The following PCDHGA6 variants were observed in gnomAD, a reference collection of about 807,000 sequenced individuals.
PCDHGA6 encodes protocadherin gamma subfamily A, 6.
PCDHGA6 carries 41 observed loss-of-function variants against 60.6 expected under a neutral mutation model. The observed-to-expected ratio is 0.68, with a 90% confidence interval of 0.53 to 0.88. PCDHGA6 has a LOEUF of 0.88. PCDHGA6 is among the 40% of genes least tolerant of loss of function. The pLI is 0.00. For synonymous variants in PCDHGA6, 594 were observed against 524.4 expected, an observed-to-expected ratio of 1.13 and a Z score of -1.81; for missense variants, 1,312 against 1,203.0, an observed-to-expected ratio of 1.09 and a Z score of -1.34.
At chr5:141,421,483 A>C in intron 1 of PCDHGA6, 4 of 1,614,128 alleles carry the variant, frequency 2.5e-6, no homozygotes, top group Non-Finnish European at 3.4e-6. Context: ...CGGCAGCTTG[A>C]TCACGGCAGG....
chr5:141,424,076 A>C, intron 1 of PCDHGA6: 2 of 979,452 alleles, frequency 2.0e-6, no homozygotes, highest in Non-Finnish European at 2.5e-6. Flanking sequence ...TTGTAGTTAT[A>C]TTCCACCATT....
intron 1 of PCDHGA6, among the ~76,000 whole-genome samples, chr5:141,473,096 G>A (rs1007912058): frequency 9.9e-5 from 15 of 152,058 alleles, no homozygotes; most frequent in African/African-American, 3.6e-4. Context: ...ACTGTGAGTT[G>A]TATTACCACA....
At chr5:141,425,296 T>A (rs1283179158) in intron 1 of PCDHGA6, among the ~76,000 whole-genome samples, 1 of 152,194 alleles carries the variant, frequency 6.6e-6, no homozygotes, top group Non-Finnish European at 1.5e-5. Flanking sequence ...TAAAACCTCA[T>A]CTAAACTAAC....
chr5:141,419,443 C>T (rs1476796525), intron 1 of PCDHGA6: 2 of 1,613,080 alleles, frequency 1.2e-6, no homozygotes, highest in South Asian at 2.2e-5. Flanking sequence ...TGCGCACCTT[C>T]GAGCTCACGC....
chr5:141,394,454 A>G (rs1394596470), intron 1 of PCDHGA6: 2 of 1,614,212 alleles, frequency 1.2e-6, no homozygotes, highest in Admixed American at 1.7e-5. Context: ...GCAACATGTC[A>G]CTGAGCCTGT....
intron 1 of PCDHGA6, among the ~76,000 whole-genome samples, chr5:141,430,213 A>G (rs892801149): frequency 6.6e-6 from 1 of 151,106 alleles, no homozygotes; most frequent in Non-Finnish European, 1.5e-5. Context: ...AAATTATTAT[A>G]TTATATGATT....
At chr5:141,504,529 G>A (rs1333393859) in intron 2 of PCDHGA6, among the ~76,000 whole-genome samples, 1 of 151,900 alleles carries the variant, frequency 6.6e-6, no homozygotes, top group African/African-American at 2.4e-5. Context: ...TATTTTATTC[G>A]TGTCATCATG....
chr5:141,414,684 A>G (rs747750994), intron 1 of PCDHGA6: 6 of 1,613,806 alleles, frequency 3.7e-6, no homozygotes, highest in Non-Finnish European at 5.1e-6. Flanking sequence ...TCCAGGGGGT[A>G]CCTCTGTCCT....
chr5:141,383,911 T>C, intron 1 of PCDHGA6: 1 of 1,613,926 alleles, frequency 6.2e-7, no homozygotes, highest in Non-Finnish European at 8.5e-7. Context: ...GATCACAGTT[T>C]TAGATGTAAA....
intron 1 of PCDHGA6, chr5:141,422,919 G>A (rs1445179310): frequency 3.7e-6 from 6 of 1,614,238 alleles, no homozygotes; most frequent in Non-Finnish European, 5.1e-6. Flanking sequence ...CCGAGATCCT[G>A]TACCCTGCCC....
At chr5:141,383,774 TTCA>T in intron 1 of PCDHGA6, 1 of 1,613,980 alleles carries the variant, frequency 6.2e-7, no homozygotes, top group South Asian at 1.1e-5. Flanking sequence ...CCAAAGATGT[TTCA>T]TCTGAACTCG....
At chr5:141,496,172 T>C (rs942740022) in intron 2 of PCDHGA6, among the ~76,000 whole-genome samples, 1 of 151,672 alleles carries the variant, frequency 6.6e-6, no homozygotes, top group Non-Finnish European at 1.5e-5. Context: ...CACCCTCCCA[T>C]CCAAGCAGCC....
chr5:141,432,133 C>G lies in PCDHGA6; in HGVS notation c.2424+55626C>G. ...CGGTCTTCCCTCAGGCCTCCTATTC[C>G]GCTTATATCCCAGAGAACAATCCCA... On this transcript the variant is annotated intron_variant, in intron 1 of 3. Transcript: ENST00000517434. The surrounding 1 kb of genome is among the most constrained non-coding windows in gnomAD (Gnocchi z 6.0). 1 of 1,614,142 alleles carries G rather than the reference C, an allele frequency of 6.2e-7. No homozygotes were observed. The highest frequency in any genetic ancestry group is 1.1e-5 in the South Asian group (1 of 91,070).
At chr5:141,400,400 C>A (rs375490385) in intron 1 of PCDHGA6, 2 of 1,614,000 alleles carry the variant, frequency 1.2e-6, no homozygotes, top group Admixed American at 3.3e-5. Flanking sequence ...ACAGGAAAGA[C>A]GGAGTTTAAT....
At chr5:141,400,097 A>C (rs753507768) in intron 1 of PCDHGA6, 1 of 1,614,048 alleles carries the variant, frequency 6.2e-7, no homozygotes, top group South Asian at 1.1e-5. Context: ...GCCACGCTGC[A>C]CTTGGTCTTT....
chr5:141,382,594 A>C, intron 1 of PCDHGA6: 1 of 249,844 alleles, frequency 4.0e-6, no homozygotes, highest in Non-Finnish European at 7.6e-6. Context: ...GAAAGATGAA[A>C]CAATTTTCTA....
chr5:141,448,543 G>C (rs1001667281), intron 1 of PCDHGA6, among the ~76,000 whole-genome samples: 3 of 151,988 alleles, frequency 2.0e-5, no homozygotes, highest in Admixed American at 6.6e-5. Context: ...CATTTCTTAT[G>C]CAAATATGTA....
In PCDHGA6 at chr5:141,490,751, C is replaced by T. The variant is rs2099703884; in HGVS notation, c.2425-4056C>T. 6.2e-6 allele frequency: 10 copies of T among 1,614,092 alleles called. No individual in the cohort carries two copies. The highest frequency in any genetic ancestry group is 1.7e-5 in the Admixed American group (1 of 60,012). ...AATCAGGTTCAGGGAGCCCCAGCCT[C>T]CTCCTTTGTGTATGTCAACCCAGAG... On this transcript the variant is annotated intron_variant, in intron 1 of 3. Coordinates refer to ENST00000517434, the MANE Select transcript of PCDHGA6 (RefSeq NM_018919.3). This position sits in a 1 kb window ranked among gnomAD's most constrained non-coding sequence, Gnocchi z 5.4.
At chr5:141,411,890 G>T (rs2095521758) in intron 1 of PCDHGA6, 1 of 152,148 alleles carries the variant, frequency 6.6e-6, no homozygotes, top group South Asian at 2.1e-4. Context: ...AGAAATAAAT[G>T]AAATACTATT....
Sources: allele counts gnomAD v4.1 joint callset (sites outside exome capture counted in the v4.1 genomes callset), GRCh38; gene constraint gnomAD v4.1.1; non-coding constraint Gnocchi (gnomAD v3.1); transcripts MANE v1.5; gene names NCBI Gene and HGNC (gene_info 2026-07-23, HGNC 2026-07-21).